Variants in IGF1R observed in about 807,000 individuals in gnomAD.
IGF1R encodes insulin like growth factor 1 receptor, also known as insulin-like growth factor 1 receptor.
A neutral mutation model predicts 144.6 loss-of-function variants in IGF1R; 44 were observed. The ratio of observed to expected loss-of-function variants is 0.30; its 90% CI spans 0.24 to 0.39. IGF1R has a LOEUF of 0.39. Among genes scored for constraint, IGF1R ranks in the 10% least tolerant of loss-of-function variants. IGF1R has a pLI of 1.00. For synonymous variants in IGF1R, 795 were observed against 722.8 expected (o/e 1.10, Z -1.60); for missense variants, 1,355 against 1,833.7 (o/e 0.74, Z 4.77).
intron 2 of IGF1R, among the ~76,000 whole-genome samples, chr15:98,708,481 C>T (rs1322732229): frequency 6.6e-6 from 1 of 152,232 alleles, no homozygotes; most frequent in Non-Finnish European, 1.5e-5. Context: ...GCCTTGGCAG[C>T]TGGGGGCTGC....
intron 4 of IGF1R, among the ~76,000 whole-genome samples, chr15:98,898,825 T>C (rs940973417): frequency 6.6e-6 from 1 of 152,260 alleles, no homozygotes; most frequent in Non-Finnish European, 1.5e-5. Flanking sequence ...TTGCATATTA[T>C]GTTTGTACAT....
In IGF1R at chr15:98,865,927, G is replaced by A. The variant is rs181805113; in HGVS notation, c.641-25398G>A. Among the ~76,000 whole-genome samples, 16 of 152,288 alleles carry A rather than the reference G, an allele frequency of 1.1e-4. No homozygotes were observed. In the East Asian group the frequency reaches 3.1e-3, roughly 29 times the overall value. ...TGCGGTCCGAGAACCGTAAGAAAAGGGGGCTCCCACCTCCCGCTCTGGGGT... is the reference window on the plus strand; with the variant it reads ...TGCGGTCCGAGAACCGTAAGAAAAGAGGGCTCCCACCTCCCGCTCTGGGGT... On this transcript the variant is annotated intron_variant, in intron 2 of 20. Coordinates refer to ENST00000650285, the MANE Select transcript of IGF1R (RefSeq NM_000875.5).
At chr15:98,664,665 C>T (rs2141183499) in intron 1 of IGF1R, among the ~76,000 whole-genome samples, 1 of 142,412 alleles carries the variant, frequency 7.0e-6, no homozygotes, top group Admixed American at 7.0e-5. Context: ...TGCACTCCAG[C>T]CTGGGCGAGA....
intron 6 of IGF1R, among the ~76,000 whole-genome samples, chr15:98,910,180 C>T (rs1478004042): frequency 2.0e-5 from 3 of 152,106 alleles, no homozygotes; most frequent in African/African-American, 4.8e-5. Context: ...AGCAGGCTGA[C>T]GACCAGCGCC....
In IGF1R at chr15:98,661,955, C is replaced by CT. The variant is rs1567062333; in HGVS notation, c.94+12280_94+12281insT. 2.9e-3 allele frequency among the ~76,000 whole-genome samples: 319 copies of CT among 108,216 alleles called. 5 individuals carry two copies. The highest frequency in any genetic ancestry group is 0.013 in the African/African-American group (299 of 23,690). The allele number at this position is 108,216 out of a possible 152,430, so 71.0% of individuals were successfully genotyped here. ...GGAATTGCTGCCAGTTGAATAGGGC[C>CT]CTTTTTTTTTTTTTTTTTTTTTTTT... On this transcript the variant is annotated intron_variant, in intron 1 of 20. Transcript: ENST00000650285.
chr15:98,855,754 A>G (rs1234636694), intron 2 of IGF1R, among the ~76,000 whole-genome samples: 3 of 152,244 alleles, frequency 2.0e-5, no homozygotes, highest in Non-Finnish European at 4.4e-5. Flanking sequence ...TGGGCCAAAT[A>G]GGAAAGTGAG....
intron 2 of IGF1R, among the ~76,000 whole-genome samples, chr15:98,839,335 A>C (rs1281288946): frequency 6.6e-6 from 1 of 151,982 alleles, no homozygotes; most frequent in Non-Finnish European, 1.5e-5. Flanking sequence ...TAGAGTACCT[A>C]CTCTTAGACC....
intron 2 of IGF1R, among the ~76,000 whole-genome samples, chr15:98,718,448 C>T (rs191116506): frequency 9.2e-5 from 14 of 152,322 alleles, no homozygotes; most frequent in African/African-American, 2.6e-4. Flanking sequence ...GTGAGGTTGC[C>T]GTTCCTGGGG....
chr15:98,909,261 C>CTT lies in IGF1R; in HGVS notation c.1462+379_1462+380dup, dbSNP rs752298130. On this transcript the variant is annotated intron_variant, in intron 6 of 20. Transcript: ENST00000650285. ...TCTTTTCTTTTTTTTCTTTTTTTTT[C>CTT]TTTTTTTTTTTTTTTTTTGAGATGG... is the stretch of plus-strand genomic sequence containing the variant. Among the ~76,000 whole-genome samples the CTT allele has an allele frequency of 2.6e-3, 237 of 91,744 alleles. 10 individuals are homozygous for CTT. Among genetic ancestry groups the CTT allele is most frequent in the East Asian group, 0.021 (61 of 2,936 alleles). The allele number at this position is 91,744 out of a possible 152,430, so 60.2% of individuals were successfully genotyped here.
At chr15:98,803,498 T>TTTTTTTTATTTATTTATTTATTTA (rs139683177) in intron 2 of IGF1R, among the ~76,000 whole-genome samples, 8 of 144,610 alleles carry the variant, frequency 5.5e-5, no homozygotes, top group Middle Eastern at 3.2e-3. Flanking sequence ...GAATATTACA[T>TTTTTTTTATTTATTTATTTATTTA]TTTATTTATT....
rs1186778705 is a variant in IGF1R at position 98,961,465 on chromosome 15, C to G, written c.*4023C>G. On this transcript the variant is annotated 3_prime_UTR_variant, in exon 21 of 21. Coordinates refer to ENST00000650285, the MANE Select transcript of IGF1R (RefSeq NM_000875.5). ...CACTTTACTGGACCAACCCACCCAC[C>G]TTGACTATACCAAGGCATCATCTAT... The G allele has an allele frequency of 4.3e-6, 1 of 233,434 alleles. No homozygotes were observed. The highest frequency in any genetic ancestry group is 2.2e-5 in the African/African-American group (1 of 45,456). The allele number at this position is 233,434 out of a possible 1,614,324, so 14.5% of individuals were successfully genotyped here.
Position 98,891,476 on chromosome 15 carries a change from C to T in IGF1R, c.792C>T (p.Cys264=), listed in dbSNP as rs1451338586. 6.2e-7 allele frequency: 1 copy of T among 1,614,102 alleles called. No individual in the cohort carries two copies. The highest frequency in any genetic ancestry group is 8.5e-7 in the Non-Finnish European group (1 of 1,180,044). Residue 264 remains cysteine (C), a synonymous_variant, in exon 3 of 21, where the codon TGC becomes TGT. Coordinates refer to ENST00000650285, the MANE Select transcript of IGF1R (RefSeq NM_000875.5). This position sits in a 1 kb window ranked among gnomAD's most constrained non-coding sequence, Gnocchi z 4.7. Reference sequence around the variant, plus strand: ...ATGCCGGTGTCTGTGTGCCTGCCTGCCCGCCCAACACCTACAGGTTTGAGG... The same window carrying T: ...ATGCCGGTGTCTGTGTGCCTGCCTGTCCGCCCAACACCTACAGGTTTGAGG... The part of the protein sequence containing the change: ...YYYAGVCVPA[C]PPNTYRFEGW...
At chr15:98,810,128 G>A (rs1255272210) in intron 2 of IGF1R, among the ~76,000 whole-genome samples, 2 of 151,496 alleles carry the variant, frequency 1.3e-5, no homozygotes, top group African/African-American at 4.9e-5. Flanking sequence ...TTTGTAGAAA[G>A]GCATGGTGTG....
chr15:98,852,372 A>G (rs911260468), intron 2 of IGF1R, among the ~76,000 whole-genome samples: 1 of 152,152 alleles, frequency 6.6e-6, no homozygotes, highest in Non-Finnish European at 1.5e-5. Context: ...CCGTGGACCA[A>G]GGTTGTTTAC....
In IGF1R at chr15:98,963,421, G is replaced by T; in HGVS notation, c.*5979G>T. On this transcript the variant is annotated 3_prime_UTR_variant, in exon 21 of 21. Coordinates refer to ENST00000650285, the MANE Select transcript of IGF1R (RefSeq NM_000875.5). ...TCCAGAACCCTCTGGTTGGGAAGGG[G>T]ATCATTTTTTACTGGTCATTTCCCT... 2 of 233,240 alleles carry T rather than the reference G, an allele frequency of 8.6e-6. No homozygotes were observed. Among genetic ancestry groups the T allele is most frequent in the Non-Finnish European group, 1.7e-5 (2 of 118,046 alleles). The allele number at this position is 233,240 out of a possible 1,614,324, so 14.4% of individuals were successfully genotyped here.
At chr15:98,812,530 T>A (rs1186566650) in intron 2 of IGF1R, among the ~76,000 whole-genome samples, 1 of 151,892 alleles carries the variant, frequency 6.6e-6, no homozygotes, top group Non-Finnish European at 1.5e-5. Context: ...CTAATTTTTT[T>A]AATTTTTAGT....
chr15:98,843,130 T>C lies in IGF1R; in HGVS notation c.641-48195T>C, dbSNP rs1340854418. Reference sequence around the variant, plus strand: ...TGTCCTTGTGTCATTTTGGTTGCTGTGAAATTGCTCTTACCATTCTTTCAT... The same window carrying C: ...TGTCCTTGTGTCATTTTGGTTGCTGCGAAATTGCTCTTACCATTCTTTCAT... On this transcript the variant is annotated intron_variant, in intron 2 of 20. Coordinates refer to ENST00000650285, the MANE Select transcript of IGF1R (RefSeq NM_000875.5). 3.3e-5 allele frequency among the ~76,000 whole-genome samples: 5 copies of C among 152,348 alleles called. No individual in the cohort carries two copies. In the East Asian group the frequency reaches 9.6e-4, roughly 29 times the overall value.
chr15:98,856,201 A>G (rs1223577293), intron 2 of IGF1R, among the ~76,000 whole-genome samples: 7 of 152,228 alleles, frequency 4.6e-5, no homozygotes, highest in Non-Finnish European at 8.8e-5. Context: ...TGGGGCTGCA[A>G]AGATCCAGAG....
chr15:98,703,290 C>T (rs2053781027), intron 1 of IGF1R, among the ~76,000 whole-genome samples: 1 of 152,088 alleles, frequency 6.6e-6, no homozygotes, highest in Non-Finnish European at 1.5e-5. Flanking sequence ...GGTGAGTAGC[C>T]ACAAAGGGTG....
Sources: allele counts gnomAD v4.1 joint callset (sites outside exome capture counted in the v4.1 genomes callset), GRCh38; gene constraint gnomAD v4.1.1; non-coding constraint Gnocchi (gnomAD v3.1); transcripts MANE v1.5; gene names NCBI Gene and HGNC (gene_info 2026-07-23, HGNC 2026-07-21).